Variants in PPP4R3B observed in about 807,000 individuals in gnomAD.
PPP4R3B encodes the protein protein phosphatase 4 regulatory subunit 3B.
A neutral mutation model predicts 95.4 loss-of-function variants in PPP4R3B; 52 were observed. The observed-to-expected ratio is 0.54, with a 90% CI of 0.44 to 0.69. The LOEUF is 0.69. PPP4R3B is among the 30% of genes least tolerant of loss of function. The pLI is 0.00. For missense variants in PPP4R3B, 1,003 were observed against 1,005.9 expected (o/e 1.00, Z 0.04); for synonymous variants, 407 against 343.9 (o/e 1.18, Z -2.03).
chr2:55,564,530 G>C, intron 14 of PPP4R3B, 33 bp from the exon 15 acceptor site: 2 of 1,531,460 alleles, frequency 1.3e-6, no homozygotes, highest in East Asian at 2.3e-5. Flanking sequence ...ATTGAGTAAT[G>C]ATTTAAAGTT....
intron 15 of PPP4R3B, among the ~76,000 whole-genome samples, chr2:55,562,108 A>C (rs1686707348): frequency 6.6e-6 from 1 of 152,156 alleles, no homozygotes; most frequent in Non-Finnish European, 1.5e-5. Context: ...AGTTCTCACG[A>C]GATCTGGTTG....
intron 10 of PPP4R3B, 38 bp downstream of exon 10, chr2:55,578,209 A>G: frequency 7.4e-7 from 1 of 1,347,034 alleles, no homozygotes; most frequent in Non-Finnish European, 9.6e-7. Flanking sequence ...TAACAACATA[A>G]GTAAATATAG....
At chr2:55,589,446 A>G (rs935839809) in intron 4 of PPP4R3B, among the ~76,000 whole-genome samples, 11 of 152,234 alleles carry the variant, frequency 7.2e-5, no homozygotes, top group South Asian at 2.1e-4. Flanking sequence ...AACTCATAAA[A>G]TACAACAACC....
rs1314781648 is a variant in PPP4R3B at position 55,589,905 on chromosome 2, G to C, written c.922-949C>G. Among the ~76,000 whole-genome samples the C allele has an allele frequency of 1.7e-4, 19 of 114,912 alleles. 1 individual carries two copies. The South Asian group carries it at 4.7e-3, about 28-fold the overall frequency. The allele number at this position is 114,912 out of a possible 152,430, so 75.4% of individuals were successfully genotyped here. Reference sequence around the variant, plus strand: ...TATTCCAGCCTGGACAAAAGAGCGAGACTCCATCTCAAAAAAAAAAAAAAT... The same window carrying C: ...TATTCCAGCCTGGACAAAAGAGCGACACTCCATCTCAAAAAAAAAAAAAAT... On this transcript the variant is annotated intron_variant, in intron 4 of 16. Transcript: ENST00000616407.
At chr2:55,596,733 C>T (rs762566978) in intron 4 of PPP4R3B, among the ~76,000 whole-genome samples, 12 of 152,044 alleles carry the variant, frequency 7.9e-5, no homozygotes, top group South Asian at 2.1e-4. Context: ...GAGGCCAAGG[C>T]GGGCGGATCA....
chr2:55,601,442 G>A (rs376163024), intron 3 of PPP4R3B, among the ~76,000 whole-genome samples: 8 of 151,102 alleles, frequency 5.3e-5, no homozygotes, highest in Admixed American at 1.3e-4. Context: ...GTGCAATGGC[G>A]CGATCTCGGC....
Position 55,549,021 on chromosome 2 carries a change from G to A in PPP4R3B, c.*890C>T, listed in dbSNP as rs1261017893. 1 of 152,430 alleles carries A rather than the reference G, an allele frequency of 6.6e-6. No individual in the cohort carries two copies. The highest frequency in any genetic ancestry group is 1.9e-4 in the East Asian group (1 of 5,190). 9.4% of individuals were successfully genotyped at this position (152,430 alleles called of 1,614,324 possible). Reference sequence around the variant, plus strand: ...GCCACTTAATTCAGCACTATTCTTGGTTGGTCTGTATAAGTAACACTTTAA... The same window carrying A: ...GCCACTTAATTCAGCACTATTCTTGATTGGTCTGTATAAGTAACACTTTAA... On this transcript the variant is annotated 3_prime_UTR_variant, in exon 17 of 17. Coordinates refer to ENST00000616407, the MANE Select transcript of PPP4R3B (RefSeq NM_001122964.3).
intron 13 of PPP4R3B, among the ~76,000 whole-genome samples, chr2:55,566,117 A>G (rs1475683537): frequency 1.3e-5 from 2 of 152,322 alleles, no homozygotes; most frequent in East Asian, 1.9e-4. Flanking sequence ...GACTTTACAG[A>G]TAACACTACA....
chr2:55,586,134 T>C (rs1238505339), intron 6 of PPP4R3B, among the ~76,000 whole-genome samples: 1 of 152,174 alleles, frequency 6.6e-6, no homozygotes, highest in Admixed American at 6.5e-5. Flanking sequence ...GAAAATGTGG[T>C]GAAAAAAGTT....
At position 55,580,749 on chromosome 2, in the gene PPP4R3B, T is replaced by C. The variant is rs192277363; in HGVS notation, c.1365+818A>G. Among the ~76,000 whole-genome samples, 10 of 152,330 alleles carry C rather than the reference T, an allele frequency of 6.6e-5. No individual in the cohort carries two copies. In the East Asian group the frequency reaches 1.4e-3, roughly 21 times the overall value. On this transcript the variant is annotated intron_variant, in intron 8 of 16. Coordinates refer to ENST00000616407, the MANE Select transcript of PPP4R3B (RefSeq NM_001122964.3). ...TGTAATGATTTAAAAACGATGTATA[T>C]ATTCTCTAAATATGAAGGAAATTTT... is the stretch of plus-strand genomic sequence containing the variant.
chr2:55,557,898 G>A (rs1686061540), intron 16 of PPP4R3B, among the ~76,000 whole-genome samples: 1 of 152,038 alleles, frequency 6.6e-6, no homozygotes, highest in Middle Eastern at 3.2e-3. Flanking sequence ...GTAACCAAGG[G>A]AAATACATTT....
chr2:55,564,553 G>T, intron 14 of PPP4R3B, 56 bp from the exon 15 acceptor site: 6 of 1,443,154 alleles, frequency 4.2e-6, no homozygotes, highest in Non-Finnish European at 4.6e-6. Context: ...TCATCAGATT[G>T]AACTGAAGGA....
intron 4 of PPP4R3B, among the ~76,000 whole-genome samples, chr2:55,589,550 T>A (rs775039248): frequency 3.3e-5 from 5 of 152,194 alleles, no homozygotes; most frequent in Non-Finnish European, 7.3e-5. Context: ...TTCATACTAA[T>A]GACTCTGGGG....
chr2:55,610,908 C>T (rs1326286383), intron 2 of PPP4R3B, among the ~76,000 whole-genome samples: 1 of 151,356 alleles, frequency 6.6e-6, no homozygotes, highest in Non-Finnish European at 1.5e-5. Flanking sequence ...CTCTATCGCC[C>T]AGGCTGGAGT....
chr2:55,555,294 A>AAAAAAG (rs1685705482), intron 16 of PPP4R3B, among the ~76,000 whole-genome samples: 1 of 150,836 alleles, frequency 6.6e-6, no homozygotes, highest in Non-Finnish European at 1.5e-5. Context: ...AAAAAAAAAA[A>AAAAAAG]AAAGAAAGAA....
In PPP4R3B at chr2:55,558,887, C is replaced by G. The variant is rs571012588; in HGVS notation, c.2342G>C (p.Ser781Thr). The G allele has an allele frequency of 1.2e-6, 2 of 1,614,110 alleles. No homozygotes were observed. Among genetic ancestry groups the G allele is most frequent in the South Asian group, 1.1e-5 (1 of 91,082 alleles). Reference protein sequence around the residue: ...GFKFTFSHSASAANGTNSKSV... With the variant: ...GFKFTFSHSATAANGTNSKSV... The stretch of plus-strand genomic sequence containing the variant: ...TTTACTGTTTGTTCCATTAGCAGCA[C>G]TGGCAGAGTGGGAGAAAGTAAATTT... Residue 781 changes from serine (S) to threonine (T), a missense_variant, in exon 16 of 17, where the codon AGT becomes ACT. Transcript: ENST00000616407.
intron 4 of PPP4R3B, chr2:55,591,686 A>G (rs1282545517): frequency 3.9e-5 from 38 of 982,332 alleles, no homozygotes; most frequent in Non-Finnish European, 4.5e-5. Flanking sequence ...TTGTGAGCTG[A>G]TAAGTAGAAC....
At position 55,581,781 on chromosome 2, in the gene PPP4R3B, A is replaced by T. The variant is rs1689473181; in HGVS notation, c.1234-83T>A. ...AGACAAAAACACCAACTGAAAGAGC[A>T]AAGTGAGAATTATATAGAGAAAAAA... On this transcript the variant is annotated intron_variant, in intron 7 of 16. Coordinates refer to ENST00000616407, the MANE Select transcript of PPP4R3B (RefSeq NM_001122964.3). 6 of 1,445,090 alleles carry T rather than the reference A, an allele frequency of 4.2e-6. No homozygotes were observed. In the South Asian group the frequency reaches 6.7e-5, roughly 16 times the overall value. 89.5% of individuals were successfully genotyped at this position (1,445,090 alleles called of 1,614,324 possible). A position where few individuals can be genotyped will look rare whatever the true frequency, so the allele number is the denominator to read the frequency against.
At chr2:55,582,318 A>AG (rs1689553315) in intron 7 of PPP4R3B, among the ~76,000 whole-genome samples, 1 of 152,038 alleles carries the variant, frequency 6.6e-6, no homozygotes, top group African/African-American at 2.4e-5. Flanking sequence ...GCTGGAGTGC[A>AG]GTGGGGCAAT....
Sources: allele counts gnomAD v4.1 joint callset (sites outside exome capture counted in the v4.1 genomes callset), GRCh38; gene constraint gnomAD v4.1.1; transcripts MANE v1.5; gene names NCBI Gene and HGNC (gene_info 2026-07-23, HGNC 2026-07-21).